Variants in WDR7 observed in about 807,000 individuals in gnomAD.
The protein encoded by WDR7 is WD repeat-containing protein 7.
A neutral mutation model predicts 169.4 loss-of-function variants in WDR7; 46 were observed. The ratio of observed to expected loss-of-function variants is 0.27; its 90% CI spans 0.21 to 0.35. The LOEUF (loss-of-function observed/expected upper bound fraction) is 0.35, where lower values mean the gene tolerates loss of function less well. Among genes scored for constraint, WDR7 ranks in the 10% least tolerant of loss-of-function variants. WDR7 has a pLI of 1.00. For synonymous variants in WDR7, 612 were observed against 666.8 expected (o/e 0.92, Z 1.27); for missense variants, 1,534 against 1,859.3 (o/e 0.83, Z 3.22).
intron 26 of WDR7, 99 bp downstream of exon 26, chr18:56,962,628 A>C: frequency 9.4e-7 from 1 of 1,058,570 alleles, no homozygotes; most frequent in Non-Finnish European, 1.4e-6. Flanking sequence ...AGCTGCTGGA[A>C]CATTATGGAT....
intron 20 of WDR7, among the ~76,000 whole-genome samples, chr18:56,863,213 T>C (rs938975955): frequency 6.6e-6 from 1 of 151,848 alleles, no homozygotes; most frequent in Non-Finnish European, 1.5e-5. Context: ...AAAATCTCTT[T>C]TCTTATTTTT....
intron 26 of WDR7, among the ~76,000 whole-genome samples, chr18:56,967,922 CA>C (rs919770439): frequency 6.6e-6 from 1 of 151,154 alleles, no homozygotes; most frequent in Non-Finnish European, 1.5e-5. Flanking sequence ...GAATAATGAC[CA>C]AAAAAAAGTC....
intron 20 of WDR7, among the ~76,000 whole-genome samples, chr18:56,862,898 C>CA (rs1345091196): frequency 4.0e-5 from 6 of 151,736 alleles, no homozygotes; most frequent in Non-Finnish European, 7.4e-5. Flanking sequence ...GGATAAGTTG[C>CA]AACTTAGTTT....
intron 1 of WDR7, among the ~76,000 whole-genome samples, chr18:56,661,330 T>C (rs1366140919): frequency 6.6e-6 from 1 of 152,208 alleles, no homozygotes; most frequent in African/African-American, 2.4e-5. Flanking sequence ...TTGAAATTGC[T>C]GTAGGTTGGT....
intron 1 of WDR7, among the ~76,000 whole-genome samples, chr18:56,662,672 C>T (rs1418415355): frequency 6.6e-6 from 1 of 152,038 alleles, no homozygotes; most frequent in African/African-American, 2.4e-5. Flanking sequence ...GTAGTAAAAA[C>T]AGGTGATGGA....
At chr18:56,892,198 G>C (rs1234434131) in intron 21 of WDR7, among the ~76,000 whole-genome samples, 1 of 152,044 alleles carries the variant, frequency 6.6e-6, no homozygotes. Context: ...ATTTCCATCT[G>C]AAATTATAGA....
chr18:56,878,847 C>T (rs905392800), intron 20 of WDR7, among the ~76,000 whole-genome samples: 4 of 152,120 alleles, frequency 2.6e-5, no homozygotes, highest in African/African-American at 4.8e-5. Context: ...TTCCCCTTAG[C>T]GTAATGTTTT....
chr18:56,786,537 A>C (rs1051180880), intron 19 of WDR7, among the ~76,000 whole-genome samples: 11 of 152,004 alleles, frequency 7.2e-5, no homozygotes, highest in East Asian at 1.9e-4. Flanking sequence ...CTCCAAAAAA[A>C]AAAACAAAAC....
intron 18 of WDR7, 35 bp from the exon 19 acceptor site, chr18:56,781,498 G>A (rs757601048): frequency 9.8e-6 from 15 of 1,537,592 alleles, no homozygotes; most frequent in Non-Finnish European, 1.3e-5. Flanking sequence ...CAACTAATCT[G>A]CTTTCTGCTT....
chr18:56,846,989 G>A (rs2045577913), intron 20 of WDR7, among the ~76,000 whole-genome samples: 1 of 152,204 alleles, frequency 6.6e-6, no homozygotes, highest in African/African-American at 2.4e-5. Context: ...TGTGGAAGCA[G>A]CTTTGGAACT....
At chr18:56,968,525 A>G (rs1252867633) in intron 26 of WDR7, among the ~76,000 whole-genome samples, 4 of 152,238 alleles carry the variant, frequency 2.6e-5, no homozygotes, top group South Asian at 2.1e-4. Context: ...AGATCTATCT[A>G]TATTTCTGTA....
At chr18:56,699,692 C>T in intron 12 of WDR7, 1 of 292,118 alleles carries the variant, frequency 3.4e-6, no homozygotes, top group Non-Finnish European at 5.1e-6. Context: ...CTGATGATTT[C>T]TCCTCTCTTT....
intron 19 of WDR7, among the ~76,000 whole-genome samples, chr18:56,803,782 CCAT>C (rs1333617453): frequency 6.6e-6 from 1 of 152,104 alleles, no homozygotes; most frequent in Non-Finnish European, 1.5e-5. Flanking sequence ...CCCCTTGTAT[CCAT>C]CATTGAATTT....
intron 12 of WDR7, among the ~76,000 whole-genome samples, chr18:56,697,846 A>G (rs2025736775): frequency 6.6e-6 from 1 of 152,232 alleles, no homozygotes; most frequent in Non-Finnish European, 1.5e-5. Flanking sequence ...TTAAAATAAT[A>G]GAATATTAGA....
intron 1 of WDR7, among the ~76,000 whole-genome samples, chr18:56,665,488 A>C (rs531775561): frequency 4.8e-5 from 1 of 21,010 alleles, no homozygotes; most frequent in Non-Finnish European, 2.8e-3. Flanking sequence ...CTTAAAAGGC[A>C]GTCATATTAC....
At chr18:56,843,018 G>T (rs1329142192) in intron 20 of WDR7, among the ~76,000 whole-genome samples, 2 of 151,980 alleles carry the variant, frequency 1.3e-5, no homozygotes, top group Admixed American at 6.6e-5. Context: ...TTAAACTAGT[G>T]CTATAAGCAG....
At chr18:56,830,977 A>G (rs1401138321) in intron 20 of WDR7, among the ~76,000 whole-genome samples, 1 of 152,176 alleles carries the variant, frequency 6.6e-6, no homozygotes, top group African/African-American at 2.4e-5. Context: ...AGGATGTGGT[A>G]TTCACTCTGT....
intron 20 of WDR7, among the ~76,000 whole-genome samples, chr18:56,833,423 A>G (rs117724661): frequency 0.014 from 2,109 of 152,264 alleles, 28 homozygotes; most frequent in East Asian, 0.035. Context: ...TAACCTATGT[A>G]ACAAACCTGC....
At chr18:57,022,113 G>A (rs898725238) in intron 27 of WDR7, among the ~76,000 whole-genome samples, 1 of 152,176 alleles carries the variant, frequency 6.6e-6, no homozygotes, top group African/African-American at 2.4e-5. Context: ...TTCCCAGTGA[G>A]TATCCACAGC....
Sources: allele counts gnomAD v4.1 joint callset (sites outside exome capture counted in the v4.1 genomes callset), GRCh38; gene constraint gnomAD v4.1.1; transcripts MANE v1.5; gene names NCBI Gene and HGNC (gene_info 2026-07-23, HGNC 2026-07-21).